Variants in FUT8 observed in about 807,000 individuals in gnomAD.
FUT8 encodes the protein alpha-(1,6)-fucosyltransferase.
FUT8 carries 29 observed loss-of-function variants against 71.3 expected under a neutral mutation model. That is an observed-to-expected ratio of 0.41 (90% CI 0.30 to 0.55). The LOEUF is 0.55. FUT8 is among the 20% of genes least tolerant of loss of function. The probability of loss-of-function intolerance (pLI) is 0.34; values close to 1 mark genes in which losing one functional copy is unlikely to be tolerated. For synonymous variants in FUT8, 254 were observed against 239.3 expected, an observed-to-expected ratio of 1.06 and a Z score of -0.57; for missense variants, 544 against 702.1, an observed-to-expected ratio of 0.77 and a Z score of 2.55.
At chr14:65,729,966 G>T (rs112602643) in intron 9 of FUT8, among the ~76,000 whole-genome samples, 20 of 151,880 alleles carry the variant, frequency 1.3e-4, no homozygotes, top group African/African-American at 4.8e-4. Context: ...GGATTTAAAT[G>T]ATGGGTTTTT....
chr14:65,608,101 CA>C (rs1221404465), intron 3 of FUT8, among the ~76,000 whole-genome samples: 1 of 147,512 alleles, frequency 6.8e-6, no homozygotes, highest in African/African-American at 2.5e-5. Context: ...TCTAAAGTTT[CA>C]AAAAATTCAA....
intron 2 of FUT8, among the ~76,000 whole-genome samples, chr14:65,473,553 TCTC>T (rs1338409649): frequency 6.6e-6 from 1 of 152,204 alleles, no homozygotes; most frequent in African/African-American, 2.4e-5. Flanking sequence ...ATAAAAATGA[TCTC>T]CTATATGTGC....
At chr14:65,545,499 G>A (rs901191992) in intron 2 of FUT8, among the ~76,000 whole-genome samples, 3 of 151,778 alleles carry the variant, frequency 2.0e-5, no homozygotes, top group African/African-American at 7.2e-5. Flanking sequence ...AATATGTCAT[G>A]CTCAATCTGT....
intron 7 of FUT8, among the ~76,000 whole-genome samples, chr14:65,695,709 A>C (rs922195717): frequency 3.3e-5 from 5 of 151,622 alleles, no homozygotes; most frequent in African/African-American, 1.2e-4. Context: ...CTGCCTCTTA[A>C]CTGGTGTATT....
intron 2 of FUT8, among the ~76,000 whole-genome samples, chr14:65,506,004 T>C (rs1173661106): frequency 6.6e-6 from 1 of 152,238 alleles, no homozygotes; most frequent in African/African-American, 2.4e-5. Context: ...ATGTGTTCAC[T>C]GTGTAAAGGG....
intron 2 of FUT8, among the ~76,000 whole-genome samples, chr14:65,458,731 G>A (rs1012175706): frequency 2.0e-5 from 3 of 150,150 alleles, no homozygotes; most frequent in Admixed American, 2.0e-4. Context: ...CTGCTGTATT[G>A]TGTTCTCAGA....
chr14:65,359,475 T>G, the FUT8 span, among the ~76,000 whole-genome samples: 12 of 151,084 alleles, frequency 7.9e-5, no homozygotes, highest in Admixed American at 6.6e-4. Flanking sequence ...GCTGAACCTC[T>G]GAGCCTGTTC....
chr14:65,598,408 AGAC>A (rs764680929), intron 3 of FUT8, among the ~76,000 whole-genome samples: 10 of 152,190 alleles, frequency 6.6e-5, no homozygotes, highest in Non-Finnish European at 1.3e-4. Context: ...TTTTTAATAG[AGAC>A]GGGGTTTCGC....
At chr14:65,428,482 C>T (rs945705637) in intron 1 of FUT8, among the ~76,000 whole-genome samples, 4 of 152,160 alleles carry the variant, frequency 2.6e-5, no homozygotes, top group Non-Finnish European at 5.9e-5. Context: ...TCTTGCACTT[C>T]CTAGCCTCCA....
chr14:65,596,584 G>C lies in FUT8; in HGVS notation c.204-19394G>C, dbSNP rs1054278167. Reference sequence around the variant, plus strand: ...GGTTTTTGAAGGAGATGATGGTATGGATTTGCAGAATAGTTAGGGGAGTTA... The same window carrying C: ...GGTTTTTGAAGGAGATGATGGTATGCATTTGCAGAATAGTTAGGGGAGTTA... On this transcript the variant is annotated intron_variant, in intron 3 of 10. Transcript: ENST00000673929. Among the ~76,000 whole-genome samples the C allele has an allele frequency of 5.9e-5, 9 of 152,134 alleles. No homozygotes were observed. In the East Asian group the frequency reaches 1.7e-3, roughly 29 times the overall value.
chr14:65,678,088 A>G (rs914759414), intron 7 of FUT8, among the ~76,000 whole-genome samples: 1 of 152,202 alleles, frequency 6.6e-6, no homozygotes, highest in African/African-American at 2.4e-5. Context: ...GAGTGATAAT[A>G]TATTTGACAG....
chr14:65,537,870 C>T (rs989716824), intron 2 of FUT8, among the ~76,000 whole-genome samples: 5 of 152,164 alleles, frequency 3.3e-5, no homozygotes, highest in Admixed American at 6.5e-5. Flanking sequence ...GAGGTGCCCT[C>T]GGACTGCTAG....
chr14:65,694,974 C>T (rs1229414482), intron 7 of FUT8, among the ~76,000 whole-genome samples: 1 of 151,936 alleles, frequency 6.6e-6, no homozygotes, highest in Non-Finnish European at 1.5e-5. Context: ...AGCACACCAG[C>T]ATGTCACATG....
intron 9 of FUT8, among the ~76,000 whole-genome samples, chr14:65,728,223 A>G (rs1566920132): frequency 6.6e-6 from 1 of 152,040 alleles, no homozygotes; most frequent in Non-Finnish European, 1.5e-5. Flanking sequence ...TTTCAGCAGC[A>G]CTCCACTTCT....
At chr14:65,389,596 A>G in the FUT8 span, among the ~76,000 whole-genome samples, 1 of 152,052 alleles carries the variant, frequency 6.6e-6, no homozygotes, top group African/African-American at 2.4e-5. Flanking sequence ...GACAGGCTTG[A>G]GCCACTGTGC....
intron 3 of FUT8, among the ~76,000 whole-genome samples, chr14:65,562,046 A>G (rs2140045839): frequency 6.6e-6 from 1 of 151,906 alleles, no homozygotes; most frequent in Admixed American, 6.6e-5. Context: ...ATTTTTTTTT[A>G]AGCTCATCAG....
intron 1 of FUT8, among the ~76,000 whole-genome samples, chr14:65,420,911 T>C (rs1186867956): frequency 2.6e-5 from 4 of 152,138 alleles, no homozygotes; most frequent in African/African-American, 7.2e-5. Context: ...AAGAAAATCA[T>C]AGGCCGGGCG....
intron 2 of FUT8, among the ~76,000 whole-genome samples, chr14:65,530,181 T>A (rs1381724186): frequency 6.6e-6 from 1 of 152,202 alleles, no homozygotes; most frequent in Non-Finnish European, 1.5e-5. Context: ...TTATGACCTC[T>A]TGTGTTTTTT....
intron 3 of FUT8, among the ~76,000 whole-genome samples, chr14:65,571,866 GT>G (rs960628800): frequency 6.6e-6 from 1 of 152,058 alleles, no homozygotes; most frequent in Non-Finnish European, 1.5e-5. Context: ...ATTGTTACCT[GT>G]TTTTTCTTGT....
Sources: allele counts gnomAD v4.1 joint callset (sites outside exome capture counted in the v4.1 genomes callset), GRCh38; gene constraint gnomAD v4.1.1; transcripts MANE v1.5; gene names NCBI Gene and HGNC (gene_info 2026-07-23, HGNC 2026-07-21).